TRPM6: variants seen among roughly 807,000 people sequenced by gnomAD.
TRPM6 encodes transient receptor potential cation channel subfamily M member 6, also known as channel kinase 2.
A neutral mutation model predicts 247.6 loss-of-function variants in TRPM6; 111 were observed. The ratio of observed to expected loss-of-function variants is 0.45; its 90% confidence interval spans 0.38 to 0.52. The LOEUF is 0.52. TRPM6 is among the 20% of genes least tolerant of loss of function. The pLI, the probability that TRPM6 is intolerant of heterozygous loss-of-function variation, is 0.00. For missense variants in TRPM6, 2,126 were observed against 2,421.5 expected (o/e 0.88, Z 2.56); for synonymous variants, 892 against 853.8 (o/e 1.04, Z -0.78).
intron 28 of TRPM6, among the ~76,000 whole-genome samples, chr9:74,753,854 C>G (rs1173437704): frequency 6.6e-6 from 1 of 152,018 alleles, no homozygotes; most frequent in Non-Finnish European, 1.5e-5. Context: ...GACAGTGGGC[C>G]TCATTACTCA....
intron 14 of TRPM6, 73 bp from the exon 15 acceptor site, chr9:74,803,959 G>T (rs556317345): frequency 2.1e-6 from 2 of 951,908 alleles, no homozygotes; most frequent in Non-Finnish European, 3.5e-6. Context: ...AAAACAAAAG[G>T]AGGGGAGATT....
intron 1 of TRPM6, among the ~76,000 whole-genome samples, chr9:74,859,773 C>CAAA (rs946269078): frequency 1.3e-5 from 1 of 76,048 alleles, no homozygotes; most frequent in Non-Finnish European, 2.9e-5. Flanking sequence ...GACTCTGTCT[C>CAAA]AAAAAAAAAA....
chr9:74,724,834 T>C lies in TRPM6; in HGVS notation c.5936-88A>G, dbSNP rs1587440931. 6.5e-6 allele frequency: 10 copies of C among 1,542,078 alleles called. No homozygotes were observed. In the East Asian group the frequency reaches 2.3e-4, roughly 35 times the overall value. ...AAATGGGACTTTAGGCTTTGCCAAGTGTTCAGAGAGATCTCCTCTTCCTCA... is the reference window on the plus strand; with the variant it reads ...AAATGGGACTTTAGGCTTTGCCAAGCGTTCAGAGAGATCTCCTCTTCCTCA... On this transcript the variant is annotated intron_variant, in intron 38 of 38. Transcript: ENST00000360774.
At chr9:74,879,170 C>T (rs1242439372) in intron 1 of TRPM6, among the ~76,000 whole-genome samples, 2 of 151,702 alleles carry the variant, frequency 1.3e-5, no homozygotes, top group Non-Finnish European at 2.9e-5. Context: ...AAAGAATTCT[C>T]TGAATGAAAT....
intron 25 of TRPM6, among the ~76,000 whole-genome samples, chr9:74,767,903 G>A (rs1826882424): frequency 6.6e-6 from 1 of 152,102 alleles, no homozygotes; most frequent in Non-Finnish European, 1.5e-5. Context: ...TTGAGCCCAG[G>A]ATTTCAAGGG....
Position 74,785,939 on chromosome 9 carries a change from G to A in TRPM6, c.2854C>T (p.Arg952Trp), listed in dbSNP as rs139586014. The A allele has an allele frequency of 2.1e-5, 34 of 1,614,204 alleles. No homozygotes were observed. The highest frequency in any genetic ancestry group is 1.7e-4 in the African/African-American group (13 of 75,050). ...TTCACAGCAAAGAAGTCCAGGAGCCGTGAGAACCAGAATATGATGTCTATG... is the reference window on the plus strand; with the variant it reads ...TTCACAGCAAAGAAGTCCAGGAGCCATGAGAACCAGAATATGATGTCTATG... ...YCIDIIFWFS[R>W]LLDFFAVNQH... is the part of the protein sequence containing the mutation. The change falls in exon 21 of 39, where the codon CGG (arginine) becomes TGG (tryptophan). Residue 952 changes from arginine to tryptophan, a missense_variant. By Grantham distance (101) the Arg-to-Trp change is moderately radical. This residue lies in a region of TRPM6 where 1,082 missense variants were observed against 1,307.9 expected (regional missense o/e 0.83). Coordinates refer to ENST00000360774, the MANE Select transcript of TRPM6 (RefSeq NM_017662.5).
chr9:74,738,679 A>G, intron 35 of TRPM6, 67 bp from the exon 36 acceptor site: 10 of 1,360,766 alleles, frequency 7.3e-6, no homozygotes, highest in Non-Finnish European at 9.4e-6. Flanking sequence ...CTTACTGAGC[A>G]GTCATCAGCA....
At chr9:74,766,141 C>T (rs1035350497) in intron 25 of TRPM6, among the ~76,000 whole-genome samples, 5 of 152,176 alleles carry the variant, frequency 3.3e-5, no homozygotes, top group African/African-American at 1.2e-4. Flanking sequence ...GCAGTCACAT[C>T]GAATGGATAC....
At chr9:74,791,315 G>A (rs947245464) in intron 19 of TRPM6, among the ~76,000 whole-genome samples, 56 of 152,068 alleles carry the variant, frequency 3.7e-4, no homozygotes, top group African/African-American at 1.3e-3. Context: ...GTGTGTGGTT[G>A]GCCAGGTAAA....
At chr9:74,887,635 G>A (rs1587617293) in intron 1 of TRPM6, 189 bp downstream of exon 1, 2 of 1,563,992 alleles carry the variant, frequency 1.3e-6, no homozygotes, top group South Asian at 1.1e-5. Context: ...CACTACCTTA[G>A]ATAGGATAAT....
intron 1 of TRPM6, among the ~76,000 whole-genome samples, chr9:74,876,390 C>T (rs1434894603): frequency 1.3e-5 from 2 of 152,148 alleles, no homozygotes; most frequent in Admixed American, 1.3e-4. Flanking sequence ...GCCAGGGTAA[C>T]AATTTATTCA....
At chr9:74,772,121 C>T (rs1440412128) in intron 24 of TRPM6, among the ~76,000 whole-genome samples, 3 of 152,056 alleles carry the variant, frequency 2.0e-5, no homozygotes, top group African/African-American at 7.2e-5. Flanking sequence ...CAGACCCTCT[C>T]TCTACAAAAA....
chr9:74,761,525 C>T (rs1826630288), intron 27 of TRPM6, among the ~76,000 whole-genome samples, 171 bp downstream of exon 27: 1 of 152,142 alleles, frequency 6.6e-6, no homozygotes, highest in South Asian at 2.1e-4. Context: ...GCCTGGACAA[C>T]ATAGCAAGAC....
At chr9:74,802,212 C>T in intron 15 of TRPM6, 37 bp from the exon 16 acceptor site, 2 of 1,590,086 alleles carry the variant, frequency 1.3e-6, no homozygotes, top group South Asian at 2.2e-5. Context: ...TTTTCAAATA[C>T]TCAGATGTAT....
chr9:74,780,275 T>C (rs1827389305), intron 23 of TRPM6, among the ~76,000 whole-genome samples: 1 of 151,254 alleles, frequency 6.6e-6, no homozygotes, highest in Non-Finnish European at 1.5e-5. Context: ...GCCAACAGGG[T>C]GAAACCCTGT....
At position 74,801,842 on chromosome 9, in the gene TRPM6, T is replaced by C. The variant is rs1227282093; in HGVS notation, c.2009+56A>G. 3.1e-6 allele frequency: 5 copies of C among 1,597,088 alleles called. No individual in the cohort carries two copies. In the Admixed American group the frequency reaches 8.3e-5, roughly 27 times the overall value. ...TTTAAAGATGAGAGAGATAAAAGTG[T>C]CTAACCATTCTAAGAAGTGTTGATG... On this transcript the variant is annotated intron_variant, in intron 16 of 38. Coordinates refer to ENST00000360774, the MANE Select transcript of TRPM6 (RefSeq NM_017662.5).
rs1831590069 is a variant in TRPM6 at position 74,887,919 on chromosome 9, T to A, written c.-63A>T. On this transcript the variant is annotated 5_prime_UTR_variant, in exon 1 of 39. Transcript: ENST00000360774. ...AGCTTTTAACTGTGGAGGCAGAAACTCTGGGCTCCACCTCCACACGCTGCC... is the reference window on the plus strand; with the variant it reads ...AGCTTTTAACTGTGGAGGCAGAAACACTGGGCTCCACCTCCACACGCTGCC... 1.9e-6 allele frequency: 3 copies of A among 1,600,786 alleles called. No homozygotes were observed. The Admixed American group carries it at 5.0e-5, about 27-fold the overall frequency.
rs763431391 is a variant in TRPM6 at position 74,842,358 on chromosome 9, CA to C, written c.153-16del. The C allele has an allele frequency of 1.1e-5, 18 of 1,600,992 alleles. No homozygotes were observed. The highest frequency in any genetic ancestry group is 4.0e-5 in the African/African-American group (3 of 74,094). ...CACAGTAACACCTTAAATTCAAGAC[CA>C]AAAAAAAACTCAACTTCAAAATAGA... On this transcript the variant is annotated splice_polypyrimidine_tract_variant and intron_variant, in intron 3 of 38. Transcript: ENST00000360774.
At chr9:74,879,000 T>A (rs1831275969) in intron 1 of TRPM6, among the ~76,000 whole-genome samples, 2 of 151,980 alleles carry the variant, frequency 1.3e-5, no homozygotes, top group African/African-American at 4.8e-5. Context: ...TCAAAAAAAA[T>A]TTCTTTTTAA....
Sources: allele counts gnomAD v4.1 joint callset (sites outside exome capture counted in the v4.1 genomes callset), GRCh38; gene constraint gnomAD v4.1.1; regional missense constraint gnomAD v4.1.1; transcripts MANE v1.5; gene names NCBI Gene and HGNC (gene_info 2026-07-23, HGNC 2026-07-21).